Variants in GRK5 observed in about 807,000 individuals in gnomAD.
GRK5 encodes g protein-coupled receptor kinase GRK5.
A neutral mutation model predicts 78.4 loss-of-function variants in GRK5; 40 were observed. The observed-to-expected ratio is 0.51, with a 90% CI of 0.40 to 0.66. GRK5 has a LOEUF of 0.66. GRK5 is among the 30% of genes least tolerant of loss of function. GRK5 has a pLI of 0.00. For missense variants in GRK5, 598 were observed against 759.9 expected, an observed-to-expected ratio of 0.79 and a Z score of 2.50; for synonymous variants, 289 against 296.8, an observed-to-expected ratio of 0.97 and a Z score of 0.27.
At chr10:119,260,550 C>T (rs199755774) in intron 1 of GRK5, among the ~76,000 whole-genome samples, 15 of 151,924 alleles carry the variant, frequency 9.9e-5, no homozygotes, top group Admixed American at 1.3e-4. Flanking sequence ...GAGGACCCTG[C>T]GGCCTTCCGC....
chr10:119,285,007 C>T (rs1849823493), intron 1 of GRK5, among the ~76,000 whole-genome samples: 1 of 152,164 alleles, frequency 6.6e-6, no homozygotes, highest in South Asian at 2.1e-4. Context: ...TTGCAACACT[C>T]CCGGAGCCCA....
intron 8 of GRK5, among the ~76,000 whole-genome samples, chr10:119,435,418 G>T (rs1852901729): frequency 6.6e-6 from 1 of 152,162 alleles, no homozygotes; most frequent in African/African-American, 2.4e-5. Context: ...TGAGTGCTTT[G>T]TTGCTTAGAA....
chr10:119,279,659 T>C (rs111230740), intron 1 of GRK5, among the ~76,000 whole-genome samples: 132 of 152,330 alleles, frequency 8.7e-4, no homozygotes, highest in African/African-American at 2.9e-3. Context: ...CCTCTGGCAC[T>C]TTGTGGCCGA....
At chr10:119,416,828 A>G (rs1442681542) in intron 4 of GRK5, among the ~76,000 whole-genome samples, 3 of 152,152 alleles carry the variant, frequency 2.0e-5, no homozygotes, top group Admixed American at 1.3e-4. Context: ...TCCTGACCTC[A>G]AGTGATCCAC....
intron 4 of GRK5, among the ~76,000 whole-genome samples, chr10:119,416,222 G>A (rs961656767): frequency 5.3e-5 from 8 of 152,226 alleles, no homozygotes; most frequent in South Asian, 4.1e-4. Flanking sequence ...CTGGAGTTTC[G>A]CACTGATGCA....
chr10:119,434,762 T>G (rs553598444), intron 8 of GRK5, among the ~76,000 whole-genome samples: 1 of 152,344 alleles, frequency 6.6e-6, no homozygotes, highest in East Asian at 1.9e-4. Context: ...ACAGTGGCCC[T>G]CTTCTGACAG....
At chr10:119,293,772 G>A (rs1002199308) in intron 1 of GRK5, among the ~76,000 whole-genome samples, 3 of 152,056 alleles carry the variant, frequency 2.0e-5, no homozygotes, top group African/African-American at 7.2e-5. Context: ...GGTGGGGCTG[G>A]GTGGGTGCTG....
chr10:119,258,070 C>CA (rs1401785146), intron 1 of GRK5, among the ~76,000 whole-genome samples: 18 of 152,166 alleles, frequency 1.2e-4, no homozygotes, highest in African/African-American at 3.9e-4. Flanking sequence ...CCACCACAAT[C>CA]AGGAGTACTT....
chr10:119,382,507 A>G (rs1851729793), intron 3 of GRK5, among the ~76,000 whole-genome samples: 1 of 152,162 alleles, frequency 6.6e-6, no homozygotes, highest in South Asian at 2.1e-4. Context: ...ACCTTTATGA[A>G]CCCACAATTA....
chr10:119,218,988 C>T (rs539053581), intron 1 of GRK5, among the ~76,000 whole-genome samples: 1 of 148,066 alleles, frequency 6.8e-6, no homozygotes, highest in South Asian at 2.1e-4. Context: ...ACCTCCGCTT[C>T]CCGGGTTCAA....
Position 119,403,454 on chromosome 10 carries a change from C to T in GRK5, c.339+6682C>T, listed in dbSNP as rs537558853. Among the ~76,000 whole-genome samples the T allele has an allele frequency of 2.6e-5, 4 of 152,274 alleles. No homozygotes were observed. In the South Asian group the frequency reaches 8.3e-4, roughly 32 times the overall value. On this transcript the variant is annotated intron_variant, in intron 4 of 15. Transcript: ENST00000392870. ...TGCTAGGATTACAGACGTGAGCCAC[C>T]GCACCAGCCGACTGGTTTCTTTTGT...
rs910141340 is a variant in GRK5, at chr10:119,207,717, G to A, written c.-201G>A. 17 of 536,106 alleles carry A rather than the reference G, an allele frequency of 3.2e-5. No individual in the cohort carries two copies. Among genetic ancestry groups the A allele is most frequent in the Non-Finnish European group, 4.8e-5 (15 of 309,582 alleles). The allele number at this position is 536,106 out of a possible 1,614,324, so 33.2% of individuals were successfully genotyped here. ...AGAGGGAGGAAGAAGCGGCGGCGGCGGCGGCGGCGGCGGCGGCTCCTCTTT... is the reference window on the plus strand; with the variant it reads ...AGAGGGAGGAAGAAGCGGCGGCGGCAGCGGCGGCGGCGGCGGCTCCTCTTT... On this transcript the variant is annotated 5_prime_UTR_variant, in exon 1 of 16. Coordinates refer to ENST00000392870, the MANE Select transcript of GRK5 (RefSeq NM_005308.3).
chr10:119,354,784 G>T (rs1851241689), intron 2 of GRK5, among the ~76,000 whole-genome samples: 1 of 151,946 alleles, frequency 6.6e-6, no homozygotes, highest in South Asian at 2.1e-4. Flanking sequence ...ACCTTTATGA[G>T]GATTTTTTTC....
At position 119,236,397 on chromosome 10, in the gene GRK5, G is replaced by A. The variant is rs188229176; in HGVS notation, c.52+28428G>A. On this transcript the variant is annotated intron_variant, in intron 1 of 15. Transcript: ENST00000392870. Reference sequence around the variant, plus strand: ...ACCTGGCTAATTTTTTGTGTTTTTAGTAGAGATGGGGTTTCACTGTGTTAG... The same window carrying A: ...ACCTGGCTAATTTTTTGTGTTTTTAATAGAGATGGGGTTTCACTGTGTTAG... 2.0e-3 allele frequency among the ~76,000 whole-genome samples: 306 copies of A among 152,080 alleles called. 1 individual carries two copies. The highest frequency in any genetic ancestry group is 6.6e-3 in the African/African-American group (274 of 41,494).
At chr10:119,347,257 T>G (rs1370738262) in intron 2 of GRK5, among the ~76,000 whole-genome samples, 1 of 151,776 alleles carries the variant, frequency 6.6e-6, no homozygotes, top group Admixed American at 6.6e-5. Flanking sequence ...ACATGCAAGT[T>G]TGTATGTGTC....
chr10:119,437,507 T>C (rs1852946105), intron 9 of GRK5, among the ~76,000 whole-genome samples: 1 of 152,220 alleles, frequency 6.6e-6, no homozygotes, highest in South Asian at 2.1e-4. Context: ...ATAGTGGCAA[T>C]TTTTGATATA....
At chr10:119,317,869 A>G (rs1850518709) in intron 1 of GRK5, among the ~76,000 whole-genome samples, 2 of 152,070 alleles carry the variant, frequency 1.3e-5, no homozygotes, top group Non-Finnish European at 2.9e-5. Context: ...ACTGATTTCC[A>G]GGCACTTTCT....
intron 1 of GRK5, among the ~76,000 whole-genome samples, chr10:119,220,944 A>G (rs1016312370): frequency 3.3e-5 from 5 of 152,304 alleles, no homozygotes; most frequent in African/African-American, 1.2e-4. Flanking sequence ...ACCTGAGGTC[A>G]GGAGTTTGAG....
intron 1 of GRK5, among the ~76,000 whole-genome samples, chr10:119,299,729 C>T (rs1850142290): frequency 6.6e-6 from 1 of 151,988 alleles, no homozygotes; most frequent in Admixed American, 6.6e-5. Flanking sequence ...AGTGACTGAG[C>T]CTGGAGTAGC....
Sources: gnomAD v4.1 joint callset for allele counts (sites outside exome capture counted in the v4.1 genomes callset) on GRCh38, gnomAD v4.1.1 for gene constraint, MANE v1.5 for transcripts, NCBI Gene and HGNC (gene_info 2026-07-23, HGNC 2026-07-21) for gene names.